Variants in TEX15 observed in about 807,000 individuals in gnomAD.
The protein encoded by TEX15 is testis-expressed protein 15.
TEX15 carries 171 observed loss-of-function variants against 237.3 expected under a neutral mutation model. The ratio of observed to expected loss-of-function variants is 0.72; its 90% CI spans 0.64 to 0.82. The LOEUF (loss-of-function observed/expected upper bound fraction) is 0.82. Among genes scored for constraint, TEX15 ranks in the 40% least tolerant of loss-of-function variants. TEX15 has a pLI of 0.00. For synonymous variants in TEX15, 1,338 were observed against 1,269.8 expected (o/e 1.05, Z -1.14); for missense variants, 3,750 against 3,646.5 (o/e 1.03, Z -0.73).
intron 8 of TEX15, among the ~76,000 whole-genome samples, chr8:30,840,464 G>C (rs1807425453): frequency 6.6e-6 from 1 of 152,146 alleles, no homozygotes; most frequent in East Asian, 1.9e-4. Context: ...CCAAAGTGCT[G>C]GGATTACAGG....
At chr8:30,871,722 C>T (rs1428483993) in intron 4 of TEX15, among the ~76,000 whole-genome samples, 1 of 152,118 alleles carries the variant, frequency 6.6e-6, no homozygotes, top group Admixed American at 6.6e-5. Flanking sequence ...TTTCAATCCA[C>T]CTCACAAGGA....
At chr8:30,877,102 T>C (rs1408730519) in intron 3 of TEX15, among the ~76,000 whole-genome samples, 9 of 152,116 alleles carry the variant, frequency 5.9e-5, no homozygotes, top group Non-Finnish European at 1.2e-4. Flanking sequence ...AATACAACAA[T>C]GTAGCACCAT....
In TEX15 at chr8:30,893,336, T is replaced by C. The variant is rs560060610; in HGVS notation, c.-10+5406A>G. On this transcript the variant is annotated intron_variant, in intron 2 of 10. Transcript: ENST00000643185. ...AATGACTCCCTGAAACCAATTTCTATATATTGGCTACCCAGCAACCTTGTT... is the reference window on the plus strand; with the variant it reads ...AATGACTCCCTGAAACCAATTTCTACATATTGGCTACCCAGCAACCTTGTT... 7.9e-5 allele frequency among the ~76,000 whole-genome samples: 12 copies of C among 152,356 alleles called. No individual in the cohort carries two copies. In the East Asian group the frequency reaches 1.5e-3, roughly 20 times the overall value.
chr8:30,871,009 A>G (rs1173590349), intron 4 of TEX15, among the ~76,000 whole-genome samples: 1 of 151,788 alleles, frequency 6.6e-6, no homozygotes, highest in African/African-American at 2.4e-5. Flanking sequence ...CTTGGCTCAT[A>G]ATCTCCTTTT....
chr8:30,867,120 G>C (rs1808189446), intron 5 of TEX15, 145 bp downstream of exon 5: 3 of 288,006 alleles, frequency 1.0e-5, no homozygotes, highest in Admixed American at 5.0e-5. Context: ...TTTGAATAAT[G>C]ATGACAAAAA....
At position 30,847,278 on chromosome 8, in the gene TEX15, A is replaced by G. The variant is rs1239252175; in HGVS notation, c.2889T>C (p.His963=). The part of the protein sequence containing the change: ...DTENTGRSVE[H]LASTTFPKTA... Reference sequence around the variant, plus strand: ...TTTTGGGAAATGTCGTGGAAGCCAAATGCTCTACACTTCTTCCAGTATTTT... The same window carrying G: ...TTTTGGGAAATGTCGTGGAAGCCAAGTGCTCTACACTTCTTCCAGTATTTT... The change falls in exon 8 of 11, where the codon CAT becomes CAC. Residue 963 remains histidine (H), a synonymous_variant. Transcript: ENST00000643185. The G allele has an allele frequency of 1.9e-6, 3 of 1,613,764 alleles. No individual in the cohort carries two copies. Among genetic ancestry groups the G allele is most frequent in the Non-Finnish European group, 2.5e-6 (3 of 1,179,860 alleles).
At chr8:30,883,270 C>T (rs986339793) in intron 3 of TEX15, among the ~76,000 whole-genome samples, 2 of 152,126 alleles carry the variant, frequency 1.3e-5, no homozygotes, top group Non-Finnish European at 2.9e-5. Context: ...TAAGTGTAGG[C>T]AGCTCTTTAA....
intron 4 of TEX15, among the ~76,000 whole-genome samples, chr8:30,872,283 T>C (rs1297864295): frequency 2.0e-5 from 3 of 152,102 alleles, no homozygotes; most frequent in Admixed American, 6.6e-5. Flanking sequence ...CGTAAGATTA[T>C]AATGGAGCTG....
In TEX15 at chr8:30,854,218, A is replaced by G. The variant is rs149952877; in HGVS notation, c.850+4450T>C. Among the ~76,000 whole-genome samples the G allele has an allele frequency of 9.1e-4, 138 of 151,430 alleles. 5 individuals are homozygous for G. The East Asian group carries it at 0.024, about 27-fold the overall frequency. ...AATTGGTTCTTTGAAAAACAAAACA[A>G]AACAAAAACAAAATTTATAAACCTT... On this transcript the variant is annotated intron_variant, in intron 7 of 10. Coordinates refer to ENST00000643185, the MANE Select transcript of TEX15 (RefSeq NM_001350162.2).
chr8:30,855,419 G>C (rs1807888587), intron 7 of TEX15, among the ~76,000 whole-genome samples: 1 of 152,090 alleles, frequency 6.6e-6, no homozygotes, highest in Non-Finnish European at 1.5e-5. Flanking sequence ...CACCCACTAG[G>C]ATGGCTATAA....
chr8:30,840,919 A>G (rs763002761), intron 8 of TEX15, among the ~76,000 whole-genome samples: 1 of 152,054 alleles, frequency 6.6e-6, no homozygotes, highest in Non-Finnish European at 1.5e-5. Flanking sequence ...TAAAAATTAT[A>G]TATATAAATT....
In TEX15 at chr8:30,837,550, T is replaced by TA. The variant is rs1274888050; in HGVS notation, c.8733_8734insT (p.Asn2912Ter). ...TCTTGAAGTTCAAAGACTGTGTCATTCATTTCTAGATCAGGATGGACATCT... is the reference window on the plus strand; with the variant it reads ...TCTTGAAGTTCAAAGACTGTGTCATTACATTTCTAGATCAGGATGGACATCT... On this transcript the variant is annotated frameshift_variant, in exon 10 of 11. Transcript: ENST00000643185. LOFTEE classifies it high-confidence loss of function. The TA allele has an allele frequency of 6.2e-7, 1 of 1,613,988 alleles. No individual in the cohort carries two copies. Among genetic ancestry groups the TA allele is most frequent in the African/African-American group, 1.3e-5 (1 of 75,038 alleles).
chr8:30,876,769 C>A (rs323380), intron 3 of TEX15, among the ~76,000 whole-genome samples: 35,578 of 152,036 alleles, frequency 0.23, 6,129 homozygotes, highest in African/African-American at 0.47. Flanking sequence ...AAAATGTTAA[C>A]AATTGATATG....
At chr8:30,873,609 C>G (rs1808340287) in intron 4 of TEX15, among the ~76,000 whole-genome samples, 1 of 152,108 alleles carries the variant, frequency 6.6e-6, no homozygotes, top group Non-Finnish European at 1.5e-5. Flanking sequence ...CTCTTACCTA[C>G]AAGTACCCCT....
In TEX15 at chr8:30,842,672, T is replaced by C; in HGVS notation, c.7495A>G (p.Lys2499Glu). Residue 2499 changes from lysine to glutamate, a missense_variant, in exon 8 of 11, where the codon AAA (lysine) becomes GAA (glutamate). By Grantham distance (56) the Lys-to-Glu change is moderately conservative. Transcript: ENST00000643185. ...QEKMASFSFL[K>E]DNSTDVCLWK... ...AGGCAAACATCTGTTGAGTTATCTT[T>C]AAGAAATGAAAAAGAAGCCATTTTT... The C allele has an allele frequency of 1.2e-6, 2 of 1,612,746 alleles. No individual in the cohort carries two copies. The highest frequency in any genetic ancestry group is 8.5e-7 in the Non-Finnish European group (1 of 1,179,830).
rs973932677 is a variant in TEX15, at chr8:30,844,979, CCTCA to C, written c.5184_5187del (p.Ser1728ArgfsTer17). The C allele has an allele frequency of 2.1e-5, 34 of 1,613,516 alleles. No homozygotes were observed. Among genetic ancestry groups the C allele is most frequent in the East Asian group, 6.7e-5 (3 of 44,868 alleles). On this transcript the variant is annotated frameshift_variant, in exon 8 of 11. Transcript: ENST00000643185. LOFTEE classifies it high-confidence loss of function. ...TCCAAGTAAGATTTTGAAGATTCTC[CCTCA>C]CTATCTGTCACTGCAGCGGCTGATA...
chr8:30,837,088 A>T lies in TEX15; in HGVS notation c.9196T>A (p.Ser3066Thr), dbSNP rs764397726. 5 of 1,614,142 alleles carry T rather than the reference A, an allele frequency of 3.1e-6. No homozygotes were observed. ...AITQTYQGIT[S>T]YEVQPSPSGL... is the part of the protein sequence containing the mutation. Reference sequence around the variant, plus strand: ...GAAGGAGATGGCTGTACTTCATATGATGTTATCCCTTGGTATGTCTGGGTA... The same window carrying T: ...GAAGGAGATGGCTGTACTTCATATGTTGTTATCCCTTGGTATGTCTGGGTA... The change falls in exon 10 of 11, where the codon TCA (serine) becomes ACA (threonine). Residue 3066 changes from serine (S) to threonine (T), a missense_variant. Ser to Thr is a moderately conservative substitution (Grantham distance 58, BLOSUM62 1). Coordinates refer to ENST00000643185, the MANE Select transcript of TEX15 (RefSeq NM_001350162.2).
intron 2 of TEX15, among the ~76,000 whole-genome samples, chr8:30,891,236 C>A (rs1808787257): frequency 6.6e-6 from 1 of 152,152 alleles, no homozygotes; most frequent in Non-Finnish European, 1.5e-5. Flanking sequence ...TGCTGGCTAA[C>A]TGCACACTGA....
Position 30,846,528 on chromosome 8 carries a change from A to T in TEX15, c.3639T>A (p.Asn1213Lys). The change falls in exon 8 of 11, where the codon AAT (asparagine) becomes AAA (lysine). Residue 1213 changes from asparagine (N) to lysine (K), a missense_variant. By Grantham distance (94) the Asn-to-Lys change is moderately conservative. Transcript: ENST00000643185. ...CTTTATCTTCACATGGATAATCTGC[A>T]TTTTCACCAAAAGGCTGGGAATAAA... ...FDIYSQPFGE[N>K]ADYPCEDKVD... is the part of the protein sequence containing the mutation. 6.2e-7 allele frequency: 1 copy of T among 1,613,700 alleles called. No homozygotes were observed. Among genetic ancestry groups the T allele is most frequent in the Non-Finnish European group, 8.5e-7 (1 of 1,179,734 alleles).
Sources: allele counts gnomAD v4.1 joint callset (sites outside exome capture counted in the v4.1 genomes callset), GRCh38; gene constraint gnomAD v4.1.1; transcripts MANE v1.5; gene names NCBI Gene and HGNC (gene_info 2026-07-23, HGNC 2026-07-21).